NCS1: variants seen among roughly 807,000 people sequenced by gnomAD.
NCS1 encodes frequenin homolog.
NCS1 carries 6 observed loss-of-function variants against 28.4 expected under a neutral mutation model. The observed-to-expected ratio is 0.21, with a 90% CI of 0.12 to 0.42. The LOEUF (loss-of-function observed/expected upper bound fraction) is 0.42. Among genes scored for constraint, NCS1 ranks in the 10% least tolerant of loss-of-function variants. NCS1 has a pLI of 1.00. For missense variants in NCS1, 131 were observed against 241.4 expected (o/e 0.54, Z 3.03); for synonymous variants, 86 against 99.3 (o/e 0.87, Z 0.79).
At chr9:130,212,245 C>T (rs965834020) in intron 2 of NCS1, among the ~76,000 whole-genome samples, 2 of 152,128 alleles carry the variant, frequency 1.3e-5, no homozygotes, top group East Asian at 3.9e-4. Flanking sequence ...TATGGCGGAT[C>T]CCCTGAGCTT....
At chr9:130,228,671 CTTTT>C (rs202118811) in intron 7 of NCS1, among the ~76,000 whole-genome samples, 1 of 141,880 alleles carries the variant, frequency 7.0e-6, no homozygotes. Flanking sequence ...TTCTTTCTTT[CTTTT>C]TTTTTTTTTG....
Position 130,192,446 on chromosome 9 carries a change from G to A in NCS1, c.65-8512G>A, listed in dbSNP as rs1363853041. On this transcript the variant is annotated intron_variant, in intron 1 of 7. Transcript: ENST00000372398. This position sits in a 1 kb window ranked among gnomAD's most constrained non-coding sequence, Gnocchi z 4.8. ...GGGGGCTGCTCTTCCTGGACACGGG[G>A]CCTGTCGTTGTGGGAAATGAGGCGC... 1.3e-5 allele frequency among the ~76,000 whole-genome samples: 2 copies of A among 152,214 alleles called. No individual in the cohort carries two copies. Among genetic ancestry groups the A allele is most frequent in the East Asian group, 3.9e-4 (2 of 5,164 alleles).
rs1554909891 is a variant in NCS1 at position 130,219,411 on chromosome 9, G to A, written c.229-314G>A. Among the ~76,000 whole-genome samples, 1 of 152,200 alleles carries A rather than the reference G, an allele frequency of 6.6e-6. No individual in the cohort carries two copies. The highest frequency in any genetic ancestry group is 1.5e-5 in the Non-Finnish European group (1 of 68,028). ...GGCTTCCGGGCTGTTGCTGAGAGGA[G>A]CTCAGGCATTGGTGCTTCTGGCACC... On this transcript the variant is annotated intron_variant, in intron 3 of 7. Coordinates refer to ENST00000372398, the MANE Select transcript of NCS1 (RefSeq NM_014286.4). The surrounding 1 kb of genome is among the most constrained non-coding windows in gnomAD (Gnocchi z 5.7).
chr9:130,230,687 T>C (rs1833488539), intron 7 of NCS1, among the ~76,000 whole-genome samples: 1 of 151,068 alleles, frequency 6.6e-6, no homozygotes, highest in Non-Finnish European at 1.5e-5. Flanking sequence ...CCTGCCTAGG[T>C]GACAGTGTAA....
intron 2 of NCS1, among the ~76,000 whole-genome samples, chr9:130,202,630 A>T (rs781340379): frequency 2.7e-5 from 4 of 149,164 alleles, no homozygotes; most frequent in South Asian, 4.2e-4. Flanking sequence ...CCCAGGCTAG[A>T]GTGCAGTGGC....
intron 1 of NCS1, chr9:130,200,426 C>T (rs938437999): frequency 5.8e-5 from 41 of 708,164 alleles, no homozygotes; most frequent in East Asian, 8.1e-5. Context: ...TGAAAGAGCC[C>T]GGGCTGACCA....
intron 7 of NCS1, among the ~76,000 whole-genome samples, chr9:130,227,848 T>C (rs1056826062): frequency 3.3e-5 from 5 of 152,330 alleles, no homozygotes; most frequent in Admixed American, 3.3e-4. Flanking sequence ...CAGCTGTCAA[T>C]AGGGTTTGCC....
At chr9:130,221,356 T>C (rs1299139333) in intron 4 of NCS1, among the ~76,000 whole-genome samples, 2 of 133,102 alleles carry the variant, frequency 1.5e-5, no homozygotes, top group Non-Finnish European at 3.2e-5. Context: ...ATATAAAATA[T>C]TTAATATATA....
chr9:130,219,626 G>A lies in NCS1; in HGVS notation c.229-99G>A. 9.1e-7 allele frequency: 1 copy of A among 1,097,846 alleles called. No homozygotes were observed. Among genetic ancestry groups the A allele is most frequent in the Non-Finnish European group, 1.4e-6 (1 of 728,040 alleles). The allele number at this position is 1,097,846 out of a possible 1,614,324, so 68.0% of individuals were successfully genotyped here. ...CACCTGAGTGTCCATTGGCCACAGT[G>A]TCTGGAGCCTGCGACTGCCCCTCGC... is the stretch of plus-strand genomic sequence containing the variant. On this transcript the variant is annotated intron_variant, in intron 3 of 7. Coordinates refer to ENST00000372398, the MANE Select transcript of NCS1 (RefSeq NM_014286.4). The surrounding 1 kb of genome is among the most constrained non-coding windows in gnomAD (Gnocchi z 5.7).
At chr9:130,195,170 C>G (rs1554906683) in intron 1 of NCS1, among the ~76,000 whole-genome samples, 1 of 152,224 alleles carries the variant, frequency 6.6e-6, no homozygotes, top group Non-Finnish European at 1.5e-5. Context: ...AACCAAGGCT[C>G]AGAGATGCGG....
intron 2 of NCS1, among the ~76,000 whole-genome samples, chr9:130,202,363 A>C (rs1832962677): frequency 1.2e-4 from 4 of 33,172 alleles, no homozygotes; most frequent in Non-Finnish European, 1.4e-4. Context: ...CACCCCCTGA[A>C]ACCCCCCAGG....
At chr9:130,176,178 CTTTCTTTCTTTCTTTCT>C (rs1226228009) in intron 1 of NCS1, among the ~76,000 whole-genome samples, 1 of 61,466 alleles carries the variant, frequency 1.6e-5, no homozygotes. Flanking sequence ...TTCTTTCTTT[CTTTCTTTCTTTCTTTCT>C]TTTTTTTTTT....
chr9:130,185,220 G>A (rs1296752934), intron 1 of NCS1, among the ~76,000 whole-genome samples: 4 of 152,258 alleles, frequency 2.6e-5, no homozygotes, highest in Admixed American at 6.5e-5. Context: ...GCTGGGAGCT[G>A]TGAGGACCGA....
intron 2 of NCS1, among the ~76,000 whole-genome samples, chr9:130,207,015 T>C (rs1833032639): frequency 1.3e-5 from 2 of 152,206 alleles, no homozygotes; most frequent in Non-Finnish European, 1.5e-5. Flanking sequence ...CCCTTGTCTC[T>C]GCACACATGT....
intron 6 of NCS1, among the ~76,000 whole-genome samples, chr9:130,225,419 C>T (rs558559657): frequency 1.8e-4 from 27 of 152,366 alleles, no homozygotes; most frequent in Admixed American, 9.1e-4. Context: ...GAGTGTGGAG[C>T]ACGGAATAAT....
At position 130,219,983 on chromosome 9, in the gene NCS1, C is replaced by T. The variant is rs1833253784; in HGVS notation, c.307+180C>T. Among the ~76,000 whole-genome samples the T allele has an allele frequency of 6.6e-6, 1 of 152,236 alleles. No individual in the cohort carries two copies. On this transcript the variant is annotated intron_variant, in intron 4 of 7. Coordinates refer to ENST00000372398, the MANE Select transcript of NCS1 (RefSeq NM_014286.4). The surrounding 1 kb of genome is among the most constrained non-coding windows in gnomAD (Gnocchi z 5.7). ...CCTGGGCAGGTGGCCCTCACACGGC[C>T]ACGTAACTAGGCCAGGCTGACTGTC...
chr9:130,195,961 C>A (rs1799906430), intron 1 of NCS1, among the ~76,000 whole-genome samples: 1 of 152,172 alleles, frequency 6.6e-6, no homozygotes, highest in Admixed American at 6.5e-5. Flanking sequence ...CCGAGGGAGG[C>A]AGAGGCGGAG....
chr9:130,178,116 C>T (rs541957161), intron 1 of NCS1, among the ~76,000 whole-genome samples: 1 of 152,302 alleles, frequency 6.6e-6, no homozygotes, highest in African/African-American at 2.4e-5. Flanking sequence ...CCTCCCATCT[C>T]GGCCTCCTGA....
rs1006263588 is a variant in NCS1, at chr9:130,181,133, G to A, written c.64+8406G>A. ...TTCCCAGATAGTGAGACCCAGTGGG[G>A]AAGGTACGTCAGGGCCCCAGGGACG... On this transcript the variant is annotated intron_variant, in intron 1 of 7. Coordinates refer to ENST00000372398, the MANE Select transcript of NCS1 (RefSeq NM_014286.4). This position sits in a 1 kb window ranked among gnomAD's most constrained non-coding sequence, Gnocchi z 5.0. 9.2e-5 allele frequency among the ~76,000 whole-genome samples: 14 copies of A among 152,194 alleles called. No individual in the cohort carries two copies. Among genetic ancestry groups the A allele is most frequent in the African/African-American group, 3.4e-4 (14 of 41,444 alleles).
Sources: allele counts gnomAD v4.1 joint callset (sites outside exome capture counted in the v4.1 genomes callset), GRCh38; gene constraint gnomAD v4.1.1; non-coding constraint Gnocchi (gnomAD v3.1); transcripts MANE v1.5; gene names NCBI Gene and HGNC (gene_info 2026-07-23, HGNC 2026-07-21).